Variants in FAM120A observed in about 807,000 individuals in gnomAD.
The protein encoded by FAM120A is family with sequence similarity 120 member A, also known as constitutive coactivator of PPAR-gamma-like protein 1.
A neutral mutation model predicts 109.7 loss-of-function variants in FAM120A; 15 were observed. That is an observed-to-expected ratio of 0.14 (90% confidence interval 0.09 to 0.21). FAM120A has a LOEUF of 0.21. Among genes scored for constraint, FAM120A ranks in the 10% least tolerant of loss-of-function variants. The pLI is 1.00. For missense variants in FAM120A, 899 were observed against 1,439.3 expected (o/e 0.62, Z 6.07); for synonymous variants, 493 against 572.8 (o/e 0.86, Z 1.99).
At chr9:93,466,857 A>G (rs1181231145) in intron 1 of FAM120A, among the ~76,000 whole-genome samples, 2 of 152,176 alleles carry the variant, frequency 1.3e-5, no homozygotes, top group East Asian at 1.9e-4. Flanking sequence ...GACCTGGCTC[A>G]TACGGCATTT....
At chr9:93,480,114 G>A (rs1858730007) in intron 3 of FAM120A, among the ~76,000 whole-genome samples, 1 of 152,206 alleles carries the variant, frequency 6.6e-6, no homozygotes, top group Non-Finnish European at 1.5e-5. Context: ...GAAATAGGAT[G>A]TAAGGTGACT....
chr9:93,540,387 A>T (rs1429652194), intron 10 of FAM120A, among the ~76,000 whole-genome samples: 1 of 152,142 alleles, frequency 6.6e-6, no homozygotes, highest in Non-Finnish European at 1.5e-5. Flanking sequence ...CCTGAATTGG[A>T]CTTGCTGTTC....
intron 3 of FAM120A, among the ~76,000 whole-genome samples, chr9:93,491,838 G>A (rs1859335047): frequency 6.6e-6 from 1 of 151,732 alleles, no homozygotes; most frequent in South Asian, 2.1e-4. Flanking sequence ...TAAGTTTTTG[G>A]GCTAAGATTT....
intron 2 of FAM120A, among the ~76,000 whole-genome samples, chr9:93,473,515 T>C (rs1182564429): frequency 6.6e-6 from 1 of 152,222 alleles, no homozygotes; most frequent in East Asian, 1.9e-4. Context: ...TTCATCATGT[T>C]GGCCAGGCCG....
At chr9:93,507,910 C>T (rs1860138050) in intron 5 of FAM120A, among the ~76,000 whole-genome samples, 1 of 152,124 alleles carries the variant, frequency 6.6e-6, no homozygotes, top group South Asian at 2.1e-4. Flanking sequence ...AGTACCACGC[C>T]TCTCTCCAGT....
chr9:93,460,437 G>A (rs1857739370), intron 1 of FAM120A, among the ~76,000 whole-genome samples: 1 of 152,098 alleles, frequency 6.6e-6, no homozygotes, highest in Non-Finnish European at 1.5e-5. Flanking sequence ...CACCTCCCAG[G>A]TTCAAGTGAT....
chr9:93,550,639 C>T lies in FAM120A; in HGVS notation c.2222C>T (p.Ala741Val), dbSNP rs530741109. The T allele has an allele frequency of 8.6e-5, 138 of 1,613,886 alleles. No individual in the cohort carries two copies. Among genetic ancestry groups the T allele is most frequent in the Non-Finnish European group, 1.1e-4 (135 of 1,180,024 alleles). The change falls in exon 12 of 18, where the codon GCT (alanine) becomes GTT (valine). Residue 741 changes from alanine (A) to valine (V), a missense_variant. Ala to Val is a moderately conservative substitution (Grantham distance 64, BLOSUM62 0). Transcript: ENST00000277165. ...LRRQELDAFL[A>V]QALSPKLYEP... is the part of the protein sequence containing the mutation. ...CGTCAGGAGCTAGATGCCTTCCTGG[C>T]TCAGGCGCTGTCCCCCAAACTCTAC...
intron 3 of FAM120A, among the ~76,000 whole-genome samples, chr9:93,495,187 T>C (rs1859519491): frequency 6.6e-6 from 1 of 152,220 alleles, no homozygotes; most frequent in Non-Finnish European, 1.5e-5. Context: ...ACTGACCACT[T>C]AGAACCCTGT....
At chr9:93,539,906 C>T (rs541755875) in intron 10 of FAM120A, among the ~76,000 whole-genome samples, 41 of 152,370 alleles carry the variant, frequency 2.7e-4, no homozygotes, top group Admixed American at 5.2e-4. Context: ...TTCTTCCACT[C>T]TTGAGGCAGC....
chr9:93,452,293 C>G lies in FAM120A; in HGVS notation c.378C>G (p.Val126=), dbSNP rs1857275077. The change falls in exon 1 of 18, where the codon GTC becomes GTG. Residue 126 remains valine (V), a synonymous_variant. Transcript: ENST00000277165. The surrounding 1 kb of genome is among the most constrained non-coding windows in gnomAD (Gnocchi z 7.0). ...RQTAQQIVSH[V]QNKGTPPPKV... ...CGGCACAGCAGATCGTCAGCCATGT[C>G]CAGAACAAGGGCACCCCGCCGCCAA... The G allele has an allele frequency of 6.2e-7, 1 of 1,612,912 alleles. No homozygotes were observed. The highest frequency in any genetic ancestry group is 8.5e-7 in the Non-Finnish European group (1 of 1,179,888).
intron 17 of FAM120A, among the ~76,000 whole-genome samples, chr9:93,562,650 T>TC (rs1363183358): frequency 6.7e-6 from 1 of 149,392 alleles, no homozygotes; most frequent in African/African-American, 2.5e-5. Context: ...TCTTTTTTTT[T>TC]CTTTCTTTCT....
rs377077684 is a variant in FAM120A, at chr9:93,485,408, T to G, written c.804+9070T>G. Among the ~76,000 whole-genome samples, 17 of 152,080 alleles carry G rather than the reference T, an allele frequency of 1.1e-4. 1 individual carries two copies. The highest frequency in any genetic ancestry group is 4.1e-4 in the African/African-American group (17 of 41,494). On this transcript the variant is annotated intron_variant, in intron 3 of 17. Transcript: ENST00000277165. ...TTCAGGAGTTCGAGACCAGCCTGGG[T>G]AACATAGTGAGACCCTATCTCTATA...
intron 10 of FAM120A, among the ~76,000 whole-genome samples, chr9:93,538,573 C>T (rs1861598709): frequency 6.6e-6 from 1 of 152,206 alleles, no homozygotes; most frequent in South Asian, 2.1e-4. Context: ...CATCTGCCCG[C>T]ATCTCTTCCT....
chr9:93,562,768 G>T (rs898400948), intron 17 of FAM120A, among the ~76,000 whole-genome samples: 2 of 150,324 alleles, frequency 1.3e-5, no homozygotes, highest in Non-Finnish European at 2.9e-5. Context: ...GGGTTCAAGC[G>T]ATTCGCTTGC....
chr9:93,478,967 TC>T, intron 3 of FAM120A, among the ~76,000 whole-genome samples: 1 of 152,344 alleles, frequency 6.6e-6, no homozygotes, highest in Non-Finnish European at 1.5e-5. Context: ...ACCAATTGCA[TC>T]TTTTGAAAAT....
rs747899074 is a variant in FAM120A at position 93,452,383 on chromosome 9, C to T, written c.468C>T (p.His156=). The change falls in exon 1 of 18, where the codon CAC becomes CAT. Residue 156 remains histidine (H), a synonymous_variant. Coordinates refer to ENST00000277165, the MANE Select transcript of FAM120A (RefSeq NM_014612.5). This position sits in a 1 kb window ranked among gnomAD's most constrained non-coding sequence, Gnocchi z 7.0. ...TCCGCCTGGCGCTCATCCGCTTCCACGTCAAGGTGAGGCCGGGGATCCGGG... is the reference window on the plus strand; with the variant it reads ...TCCGCCTGGCGCTCATCCGCTTCCATGTCAAGGTGAGGCCGGGGATCCGGG... ...HCIRLALIRF[H]VKVAQSIEDH... is the part of the protein sequence containing the mutation. The T allele has an allele frequency of 4.4e-6, 7 of 1,607,816 alleles. No homozygotes were observed. In the African/African-American group the frequency reaches 8.0e-5, roughly 18 times the overall value.
chr9:93,462,742 T>G (rs569523569), intron 1 of FAM120A, among the ~76,000 whole-genome samples: 10 of 152,332 alleles, frequency 6.6e-5, no homozygotes, highest in African/African-American at 2.2e-4. Context: ...CCTCTCTGTC[T>G]CTGAAGTTGT....
intron 10 of FAM120A, among the ~76,000 whole-genome samples, chr9:93,538,577 T>C (rs141778411): frequency 2.8e-4 from 43 of 152,318 alleles, no homozygotes; most frequent in Non-Finnish European, 5.6e-4. Flanking sequence ...TGCCCGCATC[T>C]CTTCCTCACC....
In FAM120A at chr9:93,532,826, G is replaced by A. The variant is rs1478263820; in HGVS notation, c.1909+497G>A. 5.3e-5 allele frequency among the ~76,000 whole-genome samples: 8 copies of A among 152,178 alleles called. No individual in the cohort carries two copies. Among genetic ancestry groups the A allele is most frequent in the South Asian group, 2.1e-4 (1 of 4,826 alleles). On this transcript the variant is annotated intron_variant, in intron 10 of 17. Transcript: ENST00000277165. The surrounding 1 kb of genome is among the most constrained non-coding windows in gnomAD (Gnocchi z 4.3). ...GCGAAGGTCGTGGGACTCACGGATC[G>A]TCGCAGGATTGTGATGATTTGTCTC...
Sources: allele counts gnomAD v4.1 joint callset (sites outside exome capture counted in the v4.1 genomes callset), GRCh38; gene constraint gnomAD v4.1.1; non-coding constraint Gnocchi (gnomAD v3.1); transcripts MANE v1.5; gene names NCBI Gene and HGNC (gene_info 2026-07-23, HGNC 2026-07-21).